Variants in PTPRD observed in about 807,000 individuals in gnomAD.
PTPRD encodes protein tyrosine phosphatase receptor type D.
PTPRD carries 34 observed loss-of-function variants against 214.5 expected under a neutral mutation model. The observed-to-expected ratio is 0.16, with a 90% CI of 0.12 to 0.21. The LOEUF (loss-of-function observed/expected upper bound fraction) is 0.21, where lower values mean the gene tolerates loss of function less well. Among genes scored for constraint, PTPRD ranks in the 10% least tolerant of loss-of-function variants. The pLI, the probability that PTPRD is intolerant of heterozygous loss-of-function variation, is 1.00. For synonymous variants in PTPRD, 1,128 were observed against 845.7 expected (o/e 1.33, Z -5.79); for missense variants, 2,545 against 2,398.7 (o/e 1.06, Z -1.27).
At chr9:9,179,149 T>C (rs1443904254) in intron 10 of PTPRD, among the ~76,000 whole-genome samples, 1 of 152,112 alleles carries the variant, frequency 6.6e-6, no homozygotes, top group Non-Finnish European at 1.5e-5. Flanking sequence ...TCTTAATTGT[T>C]GAAACTCAAA....
chr9:8,389,674 T>C (rs1476376755), intron 36 of PTPRD, among the ~76,000 whole-genome samples: 1 of 152,190 alleles, frequency 6.6e-6, no homozygotes, highest in Non-Finnish European at 1.5e-5. Flanking sequence ...TTTCCTTCAC[T>C]GGTTGTTGGT....
intron 8 of PTPRD, among the ~76,000 whole-genome samples, chr9:9,479,378 C>A (rs116588085): frequency 6.6e-6 from 1 of 151,742 alleles, no homozygotes; most frequent in Non-Finnish European, 1.5e-5. Context: ...CACACATACA[C>A]TCATTGCTGT....
chr9:9,750,567 A>G (rs984001863), intron 6 of PTPRD, among the ~76,000 whole-genome samples: 6 of 152,162 alleles, frequency 3.9e-5, no homozygotes, highest in African/African-American at 1.4e-4. Context: ...TGAGCCCAAC[A>G]GATTCACATT....
intron 9 of PTPRD, among the ~76,000 whole-genome samples, chr9:9,226,077 TA>T (rs1019106980): frequency 6.6e-6 from 1 of 152,022 alleles, no homozygotes; most frequent in African/African-American, 2.4e-5. Flanking sequence ...TATCAGTATC[TA>T]AAAATGAATT....
At chr9:9,170,038 T>C (rs1194025636) in intron 10 of PTPRD, among the ~76,000 whole-genome samples, 4 of 152,208 alleles carry the variant, frequency 2.6e-5, no homozygotes, top group Non-Finnish European at 2.9e-5. Context: ...TATTTTATTG[T>C]AGGATTAAAC....
At chr9:8,359,974 A>T (rs1198622163) in intron 39 of PTPRD, among the ~76,000 whole-genome samples, 1 of 152,194 alleles carries the variant, frequency 6.6e-6, no homozygotes, top group East Asian at 1.9e-4. Context: ...GCACTAGGTC[A>T]GCTCAATGTT....
At chr9:9,298,546 T>C (rs1373329063) in intron 9 of PTPRD, among the ~76,000 whole-genome samples, 2 of 151,796 alleles carry the variant, frequency 1.3e-5, no homozygotes, top group East Asian at 1.9e-4. Flanking sequence ...ACCATTTTCA[T>C]TGACTTTTTT....
intron 37 of PTPRD, among the ~76,000 whole-genome samples, chr9:8,386,166 G>A (rs2086955774): frequency 6.6e-6 from 1 of 152,076 alleles, no homozygotes; most frequent in South Asian, 2.1e-4. Context: ...AGAATTTGAG[G>A]AGTCAAGTAA....
chr9:9,535,575 T>C (rs1276281272), intron 8 of PTPRD, among the ~76,000 whole-genome samples: 1 of 152,144 alleles, frequency 6.6e-6, no homozygotes. Flanking sequence ...GATTTATTTT[T>C]TTAAAAGCAG....
intron 4 of PTPRD, among the ~76,000 whole-genome samples, chr9:9,959,097 C>T (rs1258835906): frequency 6.6e-6 from 1 of 152,136 alleles, no homozygotes; most frequent in East Asian, 1.9e-4. Context: ...CTGGAAGCAA[C>T]CAAGATGTTC....
At position 9,999,980 on chromosome 9, in the gene PTPRD, G is replaced by A. The variant is rs1326269739; in HGVS notation, c.-472+33738C>T. Among the ~76,000 whole-genome samples, 6 of 152,290 alleles carry A rather than the reference G, an allele frequency of 3.9e-5. No homozygotes were observed. The Middle Eastern group carries it at 0.017, about 432-fold the overall frequency. ...GTCAGAAAGTTTAAGTCTGTTGTAA[G>A]AGGGTCTGTGAAAGTCATGAAAAAA... On this transcript the variant is annotated intron_variant, in intron 4 of 45. Transcript: ENST00000381196.
intron 11 of PTPRD, among the ~76,000 whole-genome samples, chr9:8,833,538 C>T (rs577444033): frequency 1.7e-5 from 2 of 114,354 alleles, no homozygotes; most frequent in Admixed American, 8.5e-5. Flanking sequence ...TTCTTTTTTT[C>T]ATTTTTTTTT....
intron 8 of PTPRD, among the ~76,000 whole-genome samples, chr9:9,471,274 C>A (rs1254282715): frequency 1.3e-5 from 2 of 152,120 alleles, no homozygotes; most frequent in Admixed American, 1.3e-4. Flanking sequence ...TTTGATATTT[C>A]TATGAATGAA....
chr9:9,750,023 T>C (rs2154464074), intron 6 of PTPRD, among the ~76,000 whole-genome samples: 1 of 152,250 alleles, frequency 6.6e-6, no homozygotes, highest in East Asian at 1.9e-4. Context: ...GTTTTGAAGA[T>C]GGGTATTTTA....
chr9:8,883,750 G>A (rs2098465081), intron 11 of PTPRD, among the ~76,000 whole-genome samples: 1 of 152,072 alleles, frequency 6.6e-6, no homozygotes, highest in African/African-American at 2.4e-5. Context: ...CAAATCACTT[G>A]CACCACCTGA....
intron 3 of PTPRD, among the ~76,000 whole-genome samples, chr9:10,198,782 AT>A (rs1161058796): frequency 6.6e-6 from 1 of 152,088 alleles, no homozygotes; most frequent in African/African-American, 2.4e-5. Context: ...GTGATAATTT[AT>A]TTTATCATAT....
At chr9:9,212,426 T>A (rs2099949379) in intron 9 of PTPRD, among the ~76,000 whole-genome samples, 1 of 152,174 alleles carries the variant, frequency 6.6e-6, no homozygotes, top group Admixed American at 6.5e-5. Flanking sequence ...TTCCTATTGT[T>A]GCCTCCTCAC....
intron 7 of PTPRD, among the ~76,000 whole-genome samples, chr9:9,707,244 A>C (rs1220349909): frequency 6.6e-6 from 1 of 152,200 alleles, no homozygotes; most frequent in Non-Finnish European, 1.5e-5. Flanking sequence ...GGTATTGTTA[A>C]TTAAAACCAG....
At chr9:10,585,829 T>C (rs1371720492) in intron 2 of PTPRD, among the ~76,000 whole-genome samples, 3 of 151,982 alleles carry the variant, frequency 2.0e-5, no homozygotes, top group African/African-American at 7.2e-5. Context: ...AGTTTTGATA[T>C]TTTAAACAGA....
Sources: gnomAD v4.1 joint callset for allele counts (sites outside exome capture counted in the v4.1 genomes callset) on GRCh38, gnomAD v4.1.1 for gene constraint, MANE v1.5 for transcripts, NCBI Gene and HGNC (gene_info 2026-07-23, HGNC 2026-07-21) for gene names.